The following TARS1 variants were observed in gnomAD, a reference collection of about 807,000 sequenced individuals.
TARS1 encodes the protein threonyl-tRNA synthetase 1.
Under a neutral mutation model 97.7 loss-of-function variants are expected in TARS1, and 57 were observed. The observed-to-expected ratio is 0.58, with a 90% CI of 0.47 to 0.73. The LOEUF (loss-of-function observed/expected upper bound fraction) is 0.73. TARS1 is among the 30% of genes least tolerant of loss of function. TARS1 has a pLI of 0.00. For missense variants in TARS1, 806 were observed against 888.3 expected (o/e 0.91, Z 1.18); for synonymous variants, 312 against 293.7 (o/e 1.06, Z -0.64).
upstream of TARS1, chr5:33,440,710 T>C: frequency 2.3e-6 from 1 of 433,078 alleles, no homozygotes; most frequent in Non-Finnish European, 4.1e-6. Flanking sequence ...TTGTTCCACA[T>C]AAAGTCAGAA....
In TARS1 at chr5:33,463,672, AAGAGT is replaced by A. The variant is rs1742399679; in HGVS notation, c.1836-74_1836-70del. 3 of 1,232,596 alleles carry A rather than the reference AAGAGT, an allele frequency of 2.4e-6. No individual in the cohort carries two copies. In the South Asian group the frequency reaches 4.0e-5, roughly 16 times the overall value. 76.4% of individuals were successfully genotyped at this position (1,232,596 alleles called of 1,614,324 possible). On this transcript the variant is annotated intron_variant, in intron 16 of 18. Coordinates refer to ENST00000265112, the MANE Select transcript of TARS1 (RefSeq NM_152295.5). ...TTACATGTTCCAGGAAAAGATACTGAAGAGTAGAGTAAGAAATATGCTGTCCCTGT... is the reference window on the plus strand; with the variant it reads ...TTACATGTTCCAGGAAAAGATACTGAAGAGTAAGAAATATGCTGTCCCTGT...
intron 3 of TARS1, among the ~76,000 whole-genome samples, chr5:33,452,888 T>G (rs1404343626): frequency 2.6e-5 from 4 of 151,868 alleles, no homozygotes; most frequent in Admixed American, 2.6e-4. Flanking sequence ...CTCTAGAGGC[T>G]GATGTTGGAG....
chr5:33,461,290 G>GAGAA lies in TARS1; in HGVS notation c.1549_1551+1dup. 6.2e-7 allele frequency: 1 copy of GAGAA among 1,610,204 alleles called. No homozygotes were observed. Among genetic ancestry groups the GAGAA allele is most frequent in the Non-Finnish European group, 8.5e-7 (1 of 1,178,978 alleles). On this transcript the variant is annotated frameshift_variant, in exon 13 of 19. Transcript: ENST00000265112. LOFTEE classifies it high-confidence loss of function. Reference sequence around the variant, plus strand: ...AGATATCGAAGTATGGGATCAAGCTGAGAAAGTAAGTGGTGTTTTTCAGCG... The same window carrying GAGAA: ...AGATATCGAAGTATGGGATCAAGCTGAGAAAGAAAGTAAGTGGTGTTTTTCAGCG...
At chr5:33,442,718 A>G (rs1741171310) in intron 1 of TARS1, among the ~76,000 whole-genome samples, 1 of 151,368 alleles carries the variant, frequency 6.6e-6, no homozygotes, top group Non-Finnish European at 1.5e-5. Flanking sequence ...GTTAGCCAGG[A>G]TGGTCTCGAT....
chr5:33,456,103 G>T (rs746513807), intron 7 of TARS1, 37 bp downstream of exon 7: 128 of 1,612,068 alleles, frequency 7.9e-5, no homozygotes, highest in Non-Finnish European at 1.1e-4. Flanking sequence ...TATCTGGTAT[G>T]TATGTCATTT....
chr5:33,453,248 T>A (rs1327261226), intron 3 of TARS1, 41 bp from the exon 4 acceptor site: 1 of 1,542,026 alleles, frequency 6.5e-7, no homozygotes, highest in African/African-American at 1.4e-5. Context: ...TCGTGTGTAC[T>A]TATATATGTG....
chr5:33,467,765 T>C lies in TARS1; in HGVS notation c.*57T>C. ...AAGGAGGAACAGCGTTTCCGTAAAA[T>C]TGACTTTGTACTCTGAAAACGTCAA... is the stretch of plus-strand genomic sequence containing the variant. On this transcript the variant is annotated 3_prime_UTR_variant, in exon 19 of 19. Coordinates refer to ENST00000265112, the MANE Select transcript of TARS1 (RefSeq NM_152295.5). 1 of 1,561,996 alleles carries C rather than the reference T, an allele frequency of 6.4e-7. No individual in the cohort carries two copies. Among genetic ancestry groups the C allele is most frequent in the Admixed American group, 2.0e-5 (1 of 51,108 alleles).
At chr5:33,455,550 G>A (rs1212626975) in intron 5 of TARS1, 37 bp from the exon 6 acceptor site, 2 of 1,374,104 alleles carry the variant, frequency 1.5e-6, no homozygotes, top group Non-Finnish European at 2.0e-6. Context: ...GGTGTGATTC[G>A]AATGGAATGA....
In TARS1 at chr5:33,461,983, C is replaced by G; in HGVS notation, c.1707C>G (p.Ile569Met). The change falls in exon 15 of 19, where the codon ATC becomes ATG. Residue 569 changes from isoleucine (I) to methionine (M), a missense_variant. Around this residue, in one of 3 missense-constraint regions of TARS1, gnomAD observed 446 missense variants for 511.0 expected, o/e 0.87. Coordinates refer to ENST00000265112, the MANE Select transcript of TARS1 (RefSeq NM_152295.5). Reference protein sequence around the residue: ...ATIQLDFQLPIRFNLTYVSHD... With the variant: ...ATIQLDFQLPMRFNLTYVSHD... The stretch of plus-strand genomic sequence containing the variant: ...TCCAGCTGGATTTCCAGTTGCCCAT[C>G]AGATTTAATCTTACTTATGTAAGGT... 1 of 1,613,980 alleles carries G rather than the reference C, an allele frequency of 6.2e-7. No individual in the cohort carries two copies. The highest frequency in any genetic ancestry group is 1.1e-5 in the South Asian group (1 of 91,060).
intron 3 of TARS1, among the ~76,000 whole-genome samples, chr5:33,449,758 A>G (rs1273159991): frequency 6.6e-6 from 1 of 152,052 alleles, no homozygotes; most frequent in Non-Finnish European, 1.5e-5. Context: ...CCCAGCCAAA[A>G]ATGATTCTTA....
At chr5:33,466,638 A>G (rs1045009444) in intron 17 of TARS1, 15 of 322,994 alleles carry the variant, frequency 4.6e-5, no homozygotes, top group Non-Finnish European at 5.1e-5. Flanking sequence ...TTGGAAAAGA[A>G]TACTGAAAAC....
intron 2 of TARS1, among the ~76,000 whole-genome samples, chr5:33,447,634 C>T (rs1250941580): frequency 6.6e-6 from 1 of 151,920 alleles, no homozygotes; most frequent in African/African-American, 2.4e-5. Flanking sequence ...TGTATGGAGA[C>T]GTTGGTAGCA....
At chr5:33,448,815 T>A (rs1016838347) in intron 3 of TARS1, 84 bp downstream of exon 3, 3 of 1,131,104 alleles carry the variant, frequency 2.7e-6, no homozygotes, top group Non-Finnish European at 3.6e-6. Flanking sequence ...TTTATTCTTA[T>A]AATATTTTTA....
chr5:33,455,829 G>A, intron 6 of TARS1, 125 bp downstream of exon 6: 1 of 1,001,864 alleles, frequency 1.0e-6, no homozygotes, highest in Non-Finnish European at 1.5e-6. Flanking sequence ...AAAATTAAGT[G>A]TTTTTATTAT....
chr5:33,466,677 G>T (rs1170726160), intron 17 of TARS1, 194 bp from the exon 18 acceptor site: 1 of 415,902 alleles, frequency 2.4e-6, no homozygotes, highest in African/African-American at 2.1e-5. Context: ...ATGACCTGAG[G>T]TAATAAAGAG....
chr5:33,464,531 A>G (rs1273008731), intron 17 of TARS1, among the ~76,000 whole-genome samples: 1 of 152,228 alleles, frequency 6.6e-6, no homozygotes, highest in Non-Finnish European at 1.5e-5. Flanking sequence ...TCAAATTATT[A>G]AAAGTTGATG....
intron 4 of TARS1, among the ~76,000 whole-genome samples, chr5:33,453,913 T>C (rs1741884340): frequency 6.6e-6 from 1 of 151,926 alleles, no homozygotes; most frequent in African/African-American, 2.4e-5. Context: ...AGAGATGGGG[T>C]TTCACCATGT....
chr5:33,443,314 T>C (rs1214418222), intron 1 of TARS1, among the ~76,000 whole-genome samples: 7 of 125,428 alleles, frequency 5.6e-5, no homozygotes, highest in East Asian at 2.5e-4. Flanking sequence ...TCCCTCTCTC[T>C]CTCTCCCTCT....
chr5:33,453,263 CTT>C lies in TARS1; in HGVS notation c.330-5_330-4del, dbSNP rs35931457. 107,495 of 1,240,962 alleles carry C rather than the reference CTT, an allele frequency of 0.087. 17 individuals carry two copies. The highest frequency in any genetic ancestry group is 0.11 in the South Asian group (6,015 of 54,366). The allele number at this position is 1,240,962 out of a possible 1,614,324, so 76.9% of individuals were successfully genotyped here. On this transcript the variant is annotated intron_variant, in intron 3 of 18. Transcript: ENST00000265112. ...TCGTGTGTACTTATATATGTGTGGA[CTT>C]TTTTTTTTTTTTTTTTTTTTAAGTC...
Sources: gnomAD v4.1 joint callset for allele counts (sites outside exome capture counted in the v4.1 genomes callset) on GRCh38, gnomAD v4.1.1 for gene constraint, gnomAD v4.1.1 regional missense constraint, MANE v1.5 for transcripts, NCBI Gene and HGNC (gene_info 2026-07-23, HGNC 2026-07-21) for gene names.